METTL25: variants seen among roughly 807,000 people sequenced by gnomAD.
METTL25 encodes the protein probable methyltransferase-like protein 25.
METTL25 carries 64 observed loss-of-function variants against 71.6 expected under a neutral mutation model. That is an observed-to-expected ratio of 0.89 (90% CI 0.73 to 1.10). The LOEUF (loss-of-function observed/expected upper bound fraction) is 1.10. Among genes scored for constraint, METTL25 ranks in the 50% least tolerant of loss-of-function variants. The pLI, the probability that METTL25 is intolerant of heterozygous loss-of-function variation, is 0.00. For synonymous variants in METTL25, 287 were observed against 250.3 expected, an observed-to-expected ratio of 1.15 and a Z score of -1.38; for missense variants, 807 against 707.0, an observed-to-expected ratio of 1.14 and a Z score of -1.60.
At chr12:82,391,179 A>G (rs1885538027) in intron 3 of METTL25, among the ~76,000 whole-genome samples, 1 of 152,042 alleles carries the variant, frequency 6.6e-6, no homozygotes, top group Non-Finnish European at 1.5e-5. Flanking sequence ...CTTGAGGGGA[A>G]ATCTGGTCTG....
intron 6 of METTL25, among the ~76,000 whole-genome samples, chr12:82,432,452 T>A (rs1307268365): frequency 1.3e-5 from 2 of 151,488 alleles, no homozygotes; most frequent in African/African-American, 2.4e-5. Flanking sequence ...AGAGAGAGAT[T>A]AGATTTAAAA....
In METTL25 at chr12:82,389,922, G is replaced by C; in HGVS notation, c.531G>C (p.Gln177His). 6.7e-7 allele frequency: 1 copy of C among 1,494,028 alleles called. No individual in the cohort carries two copies. The highest frequency in any genetic ancestry group is 9.3e-7 in the Non-Finnish European group (1 of 1,076,248). 92.5% of individuals were successfully genotyped at this position (1,494,028 alleles called of 1,614,324 possible). A position where few individuals can be genotyped will look rare whatever the true frequency, so the allele number is the denominator to read the frequency against. ...TTGCTGACTACTATGGAATAAAGCA[G>C]GTAAGAGTATTTCCGTATGTTTTTA... is the stretch of plus-strand genomic sequence containing the variant. The part of the protein sequence containing the change: ...SSIADYYGIK[Q>H]VIDLGSGKGY... Residue 177 changes from glutamine (Q) to histidine (H), a missense_variant and splice_region_variant, in exon 3 of 12, where the codon CAG (glutamine) becomes CAC (histidine). Coordinates refer to ENST00000248306, the MANE Select transcript of METTL25 (RefSeq NM_032230.3).
At chr12:82,405,492 T>C (rs1887019734) in intron 5 of METTL25, among the ~76,000 whole-genome samples, 1 of 152,144 alleles carries the variant, frequency 6.6e-6, no homozygotes, top group South Asian at 2.1e-4. Context: ...TTCTTCAATC[T>C]CATACTTAAA....
intron 9 of METTL25, among the ~76,000 whole-genome samples, chr12:82,463,491 A>G (rs778725872): frequency 5.9e-5 from 9 of 152,042 alleles, no homozygotes; most frequent in Non-Finnish European, 1.0e-4. Flanking sequence ...CTGTTGATGG[A>G]CACCAAGGTT....
intron 1 of METTL25, among the ~76,000 whole-genome samples, chr12:82,380,307 T>C (rs1316542568): frequency 6.6e-6 from 1 of 152,188 alleles, no homozygotes; most frequent in Admixed American, 6.5e-5. Context: ...GATCTCATTA[T>C]TTTTTATGGT....
At chr12:82,446,873 T>G (rs900248617) in intron 8 of METTL25, among the ~76,000 whole-genome samples, 1 of 152,092 alleles carries the variant, frequency 6.6e-6, no homozygotes, top group Non-Finnish European at 1.5e-5. Flanking sequence ...TGCCTCGGTC[T>G]CCCAAAGTGC....
At chr12:82,450,007 C>T (rs985221667) in intron 8 of METTL25, among the ~76,000 whole-genome samples, 1 of 152,126 alleles carries the variant, frequency 6.6e-6, no homozygotes, top group Non-Finnish European at 1.5e-5. Context: ...CATTCTCAGT[C>T]CTCTTCTTAC....
chr12:82,370,348 A>C (rs949064501), intron 1 of METTL25, among the ~76,000 whole-genome samples: 3 of 152,222 alleles, frequency 2.0e-5, no homozygotes, highest in Non-Finnish European at 4.4e-5. Context: ...AGTAATAGCA[A>C]GATGGCTGCC....
At chr12:82,458,802 GA>G (rs1356148966) in intron 9 of METTL25, among the ~76,000 whole-genome samples, 2 of 152,114 alleles carry the variant, frequency 1.3e-5, no homozygotes, top group Non-Finnish European at 2.9e-5. Flanking sequence ...CTGAGGGAAG[GA>G]AAATACCTAG....
chr12:82,374,883 T>C (rs1883664112), intron 1 of METTL25, among the ~76,000 whole-genome samples: 4 of 152,138 alleles, frequency 2.6e-5, no homozygotes, highest in Admixed American at 2.6e-4. Flanking sequence ...ATGGGGACAA[T>C]AGTGGTCTAG....
intron 5 of METTL25, among the ~76,000 whole-genome samples, chr12:82,403,971 CT>C (rs1043718599): frequency 2.6e-5 from 4 of 152,006 alleles, no homozygotes; most frequent in Non-Finnish European, 4.4e-5. Context: ...ATTGGTTGAT[CT>C]TTTCTTAGTT....
intron 5 of METTL25, among the ~76,000 whole-genome samples, chr12:82,422,565 C>G (rs1192877267): frequency 1.3e-5 from 2 of 151,906 alleles, no homozygotes; most frequent in Non-Finnish European, 2.9e-5. Flanking sequence ...GCAGGAGAAG[C>G]AAATAAAGGG....
intron 5 of METTL25, among the ~76,000 whole-genome samples, chr12:82,407,387 A>G (rs1264930963): frequency 6.6e-6 from 1 of 152,122 alleles, no homozygotes; most frequent in Non-Finnish European, 1.5e-5. Context: ...AATAAGAAAA[A>G]GTGTTGGAAA....
chr12:82,422,332 C>T (rs372117760), intron 5 of METTL25, among the ~76,000 whole-genome samples: 2,264 of 152,048 alleles, frequency 0.015, 47 homozygotes, highest in African/African-American at 0.045. Context: ...AAAAGGCCTT[C>T]GACAAAATTC....
chr12:82,441,608 C>T lies in METTL25; in HGVS notation c.1478+2817C>T, dbSNP rs532493206. ...GGGTTTCCGGACCGAAGGAACAACA[C>T]AGTACGAGTCCCCCGGGTTTTCTTT... On this transcript the variant is annotated intron_variant, in intron 8 of 11. Coordinates refer to ENST00000248306, the MANE Select transcript of METTL25 (RefSeq NM_032230.3). Among the ~76,000 whole-genome samples the T allele has an allele frequency of 2.6e-5, 4 of 151,706 alleles. No homozygotes were observed. In the East Asian group the frequency reaches 7.8e-4, roughly 30 times the overall value.
intron 5 of METTL25, among the ~76,000 whole-genome samples, chr12:82,426,027 T>G (rs1888982719): frequency 6.6e-6 from 1 of 152,032 alleles, no homozygotes; most frequent in Non-Finnish European, 1.5e-5. Flanking sequence ...TTAATTTGAT[T>G]AGATTTGAAT....
chr12:82,418,225 A>G (rs1888154877), intron 5 of METTL25, among the ~76,000 whole-genome samples: 1 of 152,150 alleles, frequency 6.6e-6, no homozygotes, highest in Non-Finnish European at 1.5e-5. Flanking sequence ...GTTGTCATTT[A>G]TTGATCTGGA....
In METTL25 at chr12:82,403,142, C is replaced by A; in HGVS notation, c.1279+12C>A. 6.3e-7 allele frequency: 1 copy of A among 1,597,026 alleles called. No individual in the cohort carries two copies. Among genetic ancestry groups the A allele is most frequent in the Non-Finnish European group, 8.5e-7 (1 of 1,174,090 alleles). Reference sequence around the variant, plus strand: ...AAACCAGCATAAAGGTACAAGTTCCCCATGTGTCATAATTTTTATTCATTT... The same window carrying A: ...AAACCAGCATAAAGGTACAAGTTCCACATGTGTCATAATTTTTATTCATTT... On this transcript the variant is annotated intron_variant, in intron 5 of 11. Transcript: ENST00000248306.
At chr12:82,386,726 T>C in intron 1 of METTL25, 77 bp from the exon 2 acceptor site, 1 of 1,181,184 alleles carries the variant, frequency 8.5e-7, no homozygotes, top group Non-Finnish European at 1.2e-6. Context: ...AATTAAGTGT[T>C]CATTTGTTGT....
Sources: allele counts gnomAD v4.1 joint callset (sites outside exome capture counted in the v4.1 genomes callset), GRCh38; gene constraint gnomAD v4.1.1; transcripts MANE v1.5; gene names NCBI Gene and HGNC (gene_info 2026-07-23, HGNC 2026-07-21).